Variants in ERCC6L2 observed in about 807,000 individuals in gnomAD.
The protein encoded by ERCC6L2 is DNA excision repair protein ERCC-6-like 2.
In ERCC6L2, 77 loss-of-function variants were observed where a neutral mutation model predicts 132.0. The observed-to-expected ratio is 0.58, with a 90% CI of 0.49 to 0.71. The LOEUF (loss-of-function observed/expected upper bound fraction) is 0.71, where lower values mean the gene tolerates loss of function less well. ERCC6L2 is among the 30% of genes least tolerant of loss of function. ERCC6L2 has a pLI of 0.00. For missense variants in ERCC6L2, 1,542 were observed against 1,837.6 expected, an observed-to-expected ratio of 0.84 and a Z score of 2.94; for synonymous variants, 583 against 632.4, an observed-to-expected ratio of 0.92 and a Z score of 1.17.
chr9:95,910,985 C>T (rs1368881917), intron 4 of ERCC6L2, among the ~76,000 whole-genome samples: 3 of 152,190 alleles, frequency 2.0e-5, no homozygotes, highest in East Asian at 1.9e-4. Context: ...GCTATCACAG[C>T]TCACTGTACC....
In ERCC6L2 at chr9:96,015,808, A is replaced by C. The variant is rs1317357047; in HGVS notation, c.*2605A>C. Among the ~76,000 whole-genome samples the C allele has an allele frequency of 6.6e-6, 1 of 152,164 alleles. No individual in the cohort carries two copies. Among genetic ancestry groups the C allele is most frequent in the Non-Finnish European group, 1.5e-5 (1 of 68,044 alleles). On this transcript the variant is annotated 3_prime_UTR_variant, in exon 19 of 19. Coordinates refer to ENST00000653738, the MANE Select transcript of ERCC6L2 (RefSeq NM_020207.7). ...ACAGAGCAAGACTCCATCTCAAAAA[A>C]GGAAACTTTTATCAATAGTAGTCAA...
chr9:96,006,991 G>A (rs1161233358), intron 18 of ERCC6L2, among the ~76,000 whole-genome samples: 2 of 152,154 alleles, frequency 1.3e-5, no homozygotes. Flanking sequence ...GCAGAAACAA[G>A]TAGAAAGATG....
At chr9:95,907,857 C>CACACAAACACACACACACACACACA in intron 4 of ERCC6L2, among the ~76,000 whole-genome samples, 1,649 of 133,774 alleles carry the variant, frequency 0.012, 21 homozygotes, top group South Asian at 0.025. Flanking sequence ...ACACACACAC[C>CACACAAACACACACACACACACACA]CCCACACCCA....
chr9:95,986,232 A>C (rs1323447243), intron 17 of ERCC6L2, among the ~76,000 whole-genome samples: 7 of 152,236 alleles, frequency 4.6e-5, no homozygotes, highest in Non-Finnish European at 5.9e-5. Context: ...AATAACCATC[A>C]AAAATTGGGC....
intron 18 of ERCC6L2, among the ~76,000 whole-genome samples, chr9:96,005,084 C>T (rs1329457131): frequency 2.6e-5 from 4 of 152,092 alleles, no homozygotes; most frequent in East Asian, 1.9e-4. Context: ...GAGGCCGAGG[C>T]GGGTGGATCA....
chr9:95,917,060 A>G (rs1480717831), intron 6 of ERCC6L2, among the ~76,000 whole-genome samples: 8 of 152,142 alleles, frequency 5.3e-5, no homozygotes, highest in African/African-American at 1.9e-4. Flanking sequence ...TTCTGTTCAC[A>G]CGTTGTCCTT....
intron 16 of ERCC6L2, among the ~76,000 whole-genome samples, chr9:95,977,205 CT>C (rs55845597): frequency 0.03 from 4,629 of 152,258 alleles, 95 homozygotes; most frequent in East Asian, 0.13. Context: ...GGTTTTGAAA[CT>C]GTGTGCCATG....
chr9:95,938,769 C>A (rs1046926155), intron 11 of ERCC6L2, among the ~76,000 whole-genome samples: 1 of 151,918 alleles, frequency 6.6e-6, no homozygotes, highest in Non-Finnish European at 1.5e-5. Context: ...TTCAAACTAC[C>A]CTGCCAATCT....
intron 17 of ERCC6L2, among the ~76,000 whole-genome samples, chr9:95,982,742 A>G (rs745626459): frequency 1.3e-5 from 2 of 152,094 alleles, no homozygotes; most frequent in South Asian, 2.1e-4. Context: ...TGTGACTGGT[A>G]TTGACACGAA....
intron 18 of ERCC6L2, among the ~76,000 whole-genome samples, chr9:96,007,502 T>C (rs1833899488): frequency 6.6e-6 from 1 of 152,188 alleles, no homozygotes; most frequent in Non-Finnish European, 1.5e-5. Context: ...GAGAACAGTT[T>C]AGCTGGATGG....
In ERCC6L2 at chr9:95,881,251, G is replaced by T. The variant is rs544801530; in HGVS notation, c.429G>T (p.Gly143=). Reference sequence around the variant, plus strand: ...ATGGACACTACATCCATGGAGGAGGGTGCATTCTGGGTGATGACATGGGAC... The same window carrying T: ...ATGGACACTACATCCATGGAGGAGGTTGCATTCTGGGTGATGACATGGGAC... The part of the protein sequence containing the change: ...FLYGHYIHGG[G]CILGDDMGLG... Residue 143 remains glycine (G), a synonymous_variant, in exon 2 of 19, where the codon GGG becomes GGT. Coordinates refer to ENST00000653738, the MANE Select transcript of ERCC6L2 (RefSeq NM_020207.7). The T allele has an allele frequency of 1.3e-6, 2 of 1,581,016 alleles. No individual in the cohort carries two copies. The highest frequency in any genetic ancestry group is 2.2e-5 in the East Asian group (1 of 44,714).
At chr9:96,026,837 AAC>A (rs1381042608) in intron 19 of ERCC6L2, among the ~76,000 whole-genome samples, 1 of 125,238 alleles carries the variant, frequency 8.0e-6, no homozygotes, top group African/African-American at 3.2e-5. Flanking sequence ...ACACGCACCA[AAC>A]ACGCCCCACA....
chr9:95,893,994 C>G (rs1169401815), intron 2 of ERCC6L2, among the ~76,000 whole-genome samples: 1 of 152,094 alleles, frequency 6.6e-6, no homozygotes. Context: ...GGTTATGTCC[C>G]CATAAACCCA....
rs528456008 is a variant in ERCC6L2, at chr9:95,949,568, AAAAC to A, written c.1848-6337_1848-6334del. Among the ~76,000 whole-genome samples the A allele has an allele frequency of 7.0e-4, 106 of 152,276 alleles. No homozygotes were observed. In the Middle Eastern group the frequency reaches 0.024, roughly 34 times the overall value. The stretch of plus-strand genomic sequence containing the variant: ...TATATTTAATGTATTGGGGGAAAAA[AAAAC>A]AAACAAACTGTCAACTGAGAAACAA... On this transcript the variant is annotated intron_variant, in intron 12 of 18. Transcript: ENST00000653738.
In ERCC6L2 at chr9:95,875,941, G is replaced by A. The variant is rs1367911733; in HGVS notation, c.-98G>A. 7.5e-7 allele frequency: 1 copy of A among 1,329,166 alleles called. No homozygotes were observed. The highest frequency in any genetic ancestry group is 1.0e-6 in the Non-Finnish European group (1 of 958,456). 82.3% of individuals were successfully genotyped at this position (1,329,166 alleles called of 1,614,324 possible). A position where few individuals can be genotyped will look rare whatever the true frequency, so the allele number is the denominator to read the frequency against. On this transcript the variant is annotated 5_prime_UTR_variant, in exon 1 of 19. Coordinates refer to ENST00000653738, the MANE Select transcript of ERCC6L2 (RefSeq NM_020207.7). ...GATGCTCGGAGGGCGGCCGGAAGTG[G>A]CGTTGGCCGCCATTGGCCTGCCGGC...
At chr9:95,913,164 A>C (rs538596998) in intron 4 of ERCC6L2, among the ~76,000 whole-genome samples, 1 of 152,338 alleles carries the variant, frequency 6.6e-6, no homozygotes, top group Admixed American at 6.5e-5. Flanking sequence ...ACTTAGTAGT[A>C]TTAGCACATA....
chr9:95,932,227 A>T (rs1737495373), intron 11 of ERCC6L2, among the ~76,000 whole-genome samples: 1 of 151,710 alleles, frequency 6.6e-6, no homozygotes, highest in Non-Finnish European at 1.5e-5. Context: ...CACCCCACCC[A>T]GCTAATTTTT....
chr9:96,030,031 C>A (rs559791713), intron 19 of ERCC6L2, among the ~76,000 whole-genome samples: 2 of 152,220 alleles, frequency 1.3e-5, no homozygotes, highest in South Asian at 4.1e-4. Flanking sequence ...GCCAGCTGGA[C>A]CTCCTGGGTC....
intron 18 of ERCC6L2, among the ~76,000 whole-genome samples, chr9:96,011,650 G>A (rs2133222601): frequency 6.6e-6 from 1 of 152,272 alleles, no homozygotes; most frequent in South Asian, 2.1e-4. Context: ...CTTAGCTTAG[G>A]TGTCCATGCC....
Sources: allele counts gnomAD v4.1 joint callset (sites outside exome capture counted in the v4.1 genomes callset), GRCh38; gene constraint gnomAD v4.1.1; transcripts MANE v1.5; gene names NCBI Gene and HGNC (gene_info 2026-07-23, HGNC 2026-07-21).